The following GPC6 variants were observed in gnomAD, a reference collection of about 807,000 sequenced individuals.
GPC6 encodes the protein glypican 6.
A neutral mutation model predicts 55.2 loss-of-function variants in GPC6; 14 were observed. The ratio of observed to expected loss-of-function variants is 0.25; its 90% confidence interval spans 0.17 to 0.40. The LOEUF is 0.40. GPC6 is among the 10% of genes least tolerant of loss of function. GPC6 has a pLI of 1.00. For synonymous variants in GPC6, 278 were observed against 259.6 expected (o/e 1.07, Z -0.68); for missense variants, 641 against 708.5 (o/e 0.90, Z 1.08).
intron 2 of GPC6, among the ~76,000 whole-genome samples, chr13:93,762,810 G>A (rs996243051): frequency 3.9e-5 from 6 of 152,108 alleles, no homozygotes; most frequent in African/African-American, 1.2e-4. Context: ...AATGATTGGC[G>A]ACCATACTAA....
upstream of GPC6, among the ~76,000 whole-genome samples, chr13:93,223,458 T>G (rs9561281): frequency 0.16 from 25,103 of 152,190 alleles, 2,351 homozygotes; most frequent in Admixed American, 0.21. Flanking sequence ...GTTTTGTTTT[T>G]TTTGAGACAG....
chr13:93,470,407 A>G (rs1879066934), intron 1 of GPC6, among the ~76,000 whole-genome samples: 1 of 152,162 alleles, frequency 6.6e-6, no homozygotes, highest in Non-Finnish European at 1.5e-5. Context: ...GACTGTTAAT[A>G]TAATGGCTTT....
chr13:93,856,817 T>G (rs74108900), intron 3 of GPC6, among the ~76,000 whole-genome samples: 5,248 of 151,656 alleles, frequency 0.035, 264 homozygotes, highest in East Asian at 0.17. Flanking sequence ...TGGATCCTCT[T>G]GCTACATCAT....
chr13:93,970,101 A>G (rs1880218511), intron 3 of GPC6, among the ~76,000 whole-genome samples: 1 of 152,236 alleles, frequency 6.6e-6, no homozygotes. Context: ...AATTTAAAAA[A>G]TAAAAATCTT....
intron 1 of GPC6, among the ~76,000 whole-genome samples, chr13:93,490,643 A>G (rs941511932): frequency 7.8e-6 from 1 of 127,446 alleles, no homozygotes; most frequent in African/African-American, 2.9e-5. Context: ...AGCATTAGGT[A>G]TATCTCCCAG....
At chr13:94,364,978 G>A (rs546363503) in intron 6 of GPC6, among the ~76,000 whole-genome samples, 4 of 152,224 alleles carry the variant, frequency 2.6e-5, no homozygotes, top group South Asian at 2.1e-4. Context: ...CTACTCTGCC[G>A]ATTGTTCATT....
chr13:93,944,159 TCTTC>T (rs1464814594), intron 3 of GPC6, among the ~76,000 whole-genome samples: 1 of 151,244 alleles, frequency 6.6e-6, no homozygotes, highest in African/African-American at 2.4e-5. Context: ...AATTCCAGTT[TCTTC>T]CTTTTATTTT....
intron 3 of GPC6, among the ~76,000 whole-genome samples, chr13:93,856,831 C>T (rs1458406161): frequency 6.6e-6 from 1 of 151,578 alleles, no homozygotes; most frequent in Non-Finnish European, 1.5e-5. Flanking sequence ...ACATCATTAG[C>T]TGACCTCCAG....
intron 6 of GPC6, among the ~76,000 whole-genome samples, chr13:94,316,149 T>C (rs1335063279): frequency 6.6e-6 from 1 of 152,268 alleles, no homozygotes; most frequent in Middle Eastern, 3.4e-3. Flanking sequence ...AACTCTTCTA[T>C]GGTCTTTTGA....
At chr13:94,309,511 A>G (rs1876123924) in intron 6 of GPC6, among the ~76,000 whole-genome samples, 1 of 151,456 alleles carries the variant, frequency 6.6e-6, no homozygotes, top group Admixed American at 6.6e-5. Flanking sequence ...ATCATTTAAC[A>G]TCTTATTATA....
intron 4 of GPC6, among the ~76,000 whole-genome samples, chr13:94,047,345 G>A (rs1481852677): frequency 1.3e-5 from 2 of 151,950 alleles, no homozygotes; most frequent in African/African-American, 2.4e-5. Context: ...ACTCAATGCC[G>A]GTTTGCTGAA....
At chr13:93,644,373 A>G (rs1446425582) in intron 2 of GPC6, among the ~76,000 whole-genome samples, 1 of 152,114 alleles carries the variant, frequency 6.6e-6, no homozygotes, top group East Asian at 1.9e-4. Context: ...AGAAATAGTC[A>G]GATATGTGTA....
At chr13:94,322,432 C>G (rs964480479) in intron 6 of GPC6, among the ~76,000 whole-genome samples, 13 of 152,248 alleles carry the variant, frequency 8.5e-5, no homozygotes, top group African/African-American at 3.1e-4. Flanking sequence ...TAGACAAATC[C>G]CTGGAATGCC....
chr13:94,279,292 T>C (rs1892301902), intron 4 of GPC6, among the ~76,000 whole-genome samples: 2 of 152,042 alleles, frequency 1.3e-5, no homozygotes, highest in Non-Finnish European at 2.9e-5. Flanking sequence ...ATCCCCTTTA[T>C]CATTTTTTAT....
At chr13:94,177,447 G>A (rs564137034) in intron 4 of GPC6, among the ~76,000 whole-genome samples, 88 of 151,758 alleles carry the variant, frequency 5.8e-4, no homozygotes, top group Non-Finnish European at 2.1e-4. Context: ...TTCACAATGA[G>A]CCCTTTAACA....
chr13:94,118,132 A>G (rs148782843), intron 4 of GPC6, among the ~76,000 whole-genome samples: 2,725 of 152,154 alleles, frequency 0.018, 73 homozygotes, highest in African/African-American at 0.061. Flanking sequence ...GTCCCCACCC[A>G]AATCTCATCT....
chr13:94,120,881 C>T (rs1183491109), intron 4 of GPC6, among the ~76,000 whole-genome samples: 1 of 152,026 alleles, frequency 6.6e-6, no homozygotes, highest in Admixed American at 6.6e-5. Flanking sequence ...GGAGTGCTAC[C>T]TCCCTTTCCC....
intron 1 of GPC6, among the ~76,000 whole-genome samples, chr13:93,429,460 C>G (rs1420531235): frequency 1.3e-5 from 2 of 152,132 alleles, no homozygotes; most frequent in African/African-American, 4.8e-5. Flanking sequence ...GTGAGTGAGG[C>G]AAACATTTCA....
intron 3 of GPC6, among the ~76,000 whole-genome samples, chr13:93,964,152 G>C (rs1184195100): frequency 6.6e-6 from 1 of 152,192 alleles, no homozygotes; most frequent in Non-Finnish European, 1.5e-5. Context: ...AGAGGTCATG[G>C]AGAAAGATGA....
Sources: allele counts gnomAD v4.1 joint callset (sites outside exome capture counted in the v4.1 genomes callset), GRCh38; gene constraint gnomAD v4.1.1; transcripts MANE v1.5; gene names NCBI Gene and HGNC (gene_info 2026-07-23, HGNC 2026-07-21).